Variants in ASB3 observed in about 807,000 individuals in gnomAD.
ASB3 encodes ankyrin repeat and SOCS box containing 3.
A neutral mutation model predicts 54.5 loss-of-function variants in ASB3; 41 were observed. The ratio of observed to expected loss-of-function variants is 0.75; its 90% CI spans 0.59 to 0.98. The LOEUF is 0.98. ASB3 is among the 50% of genes least tolerant of loss of function. The pLI is 0.00. For synonymous variants in ASB3, 266 were observed against 221.2 expected, an observed-to-expected ratio of 1.20 and a Z score of -1.80; for missense variants, 733 against 620.0, an observed-to-expected ratio of 1.18 and a Z score of -1.94.
In ASB3 at chr2:53,700,460, G is replaced by A. The variant is rs751881572; in HGVS notation, c.1049C>T (p.Ala350Val). ...AAACTTCTCGTACTTCAGGCAGTAT[G>A]CCAAATGAAGTTCATTTATCTGGGC... ...YGAQINELHL[A>V]YCLKYEKFSI... Residue 350 changes from alanine to valine, a missense_variant, in exon 8 of 10, where the codon GCA (alanine) becomes GTA (valine). By Grantham distance (64) the Ala-to-Val change is moderately conservative (BLOSUM62 0). Transcript: ENST00000263634. The A allele has an allele frequency of 5.0e-6, 8 of 1,614,082 alleles. No individual in the cohort carries two copies. The highest frequency in any genetic ancestry group is 3.3e-5 in the Admixed American group (2 of 59,990).
chr2:53,671,724 A>C (rs910263777), intron 9 of ASB3, among the ~76,000 whole-genome samples: 6 of 147,092 alleles, frequency 4.1e-5, no homozygotes, highest in Non-Finnish European at 9.1e-5. Flanking sequence ...ATGCCACTGC[A>C]CTCCAGCCTG....
intron 1 of ASB3, chr2:53,774,527 T>G (rs374145277): frequency 6.6e-6 from 10 of 1,525,300 alleles, no homozygotes; most frequent in African/African-American, 2.8e-5. Flanking sequence ...TGCATATAAT[T>G]TAGTCTTCAG....
intron 2 of ASB3, among the ~76,000 whole-genome samples, chr2:53,752,402 C>T (rs921032171): frequency 6.6e-6 from 1 of 152,152 alleles, no homozygotes; most frequent in African/African-American, 2.4e-5. Flanking sequence ...CCAACAGGTT[C>T]CCACCCCACA....
At chr2:53,741,538 G>C (rs571107058) in intron 3 of ASB3, among the ~76,000 whole-genome samples, 17 of 152,214 alleles carry the variant, frequency 1.1e-4, no homozygotes, top group African/African-American at 2.4e-5. Flanking sequence ...TATATAAATC[G>C]ACTGACATTT....
At chr2:53,784,748 T>G (rs1292152299) in intron 1 of ASB3, among the ~76,000 whole-genome samples, 1 of 152,216 alleles carries the variant, frequency 6.6e-6, no homozygotes, top group Non-Finnish European at 1.5e-5. Flanking sequence ...TAGGGCCCCC[T>G]TTGATTCAGT....
chr2:53,688,290 G>A (rs184475378), intron 9 of ASB3, among the ~76,000 whole-genome samples: 37 of 152,318 alleles, frequency 2.4e-4, no homozygotes, highest in African/African-American at 8.4e-4. Flanking sequence ...CTGCAGGTCA[G>A]GCAATTCTCC....
intron 9 of ASB3, among the ~76,000 whole-genome samples, chr2:53,677,519 T>A (rs1224309136): frequency 6.6e-6 from 1 of 152,210 alleles, no homozygotes; most frequent in African/African-American, 2.4e-5. Context: ...GCTTTAATGC[T>A]TTAGCAGTGT....
chr2:53,716,891 T>C (rs983710644), intron 5 of ASB3, 148 bp from the exon 6 acceptor site: 3 of 947,136 alleles, frequency 3.2e-6, no homozygotes, highest in Non-Finnish European at 4.5e-6. Flanking sequence ...TATAAACATA[T>C]TTACTTTGCT....
intron 6 of ASB3, among the ~76,000 whole-genome samples, chr2:53,715,359 A>G (rs552242671): frequency 1.7e-3 from 261 of 152,298 alleles, no homozygotes; most frequent in Non-Finnish European, 3.2e-3. Context: ...GGCTACTCTG[A>G]AGTATTTTCA....
intron 2 of ASB3, among the ~76,000 whole-genome samples, chr2:53,760,311 G>A (rs1282153252): frequency 6.6e-6 from 1 of 152,160 alleles, no homozygotes; most frequent in African/African-American, 2.4e-5. Flanking sequence ...CAAACATCAG[G>A]AAGACATTAG....
At chr2:53,702,088 A>G (rs1464207432) in intron 7 of ASB3, among the ~76,000 whole-genome samples, 1 of 152,234 alleles carries the variant, frequency 6.6e-6, no homozygotes, top group African/African-American at 2.4e-5. Flanking sequence ...CAGAATTAGT[A>G]TTCTACCAAA....
chr2:53,674,665 TG>T (rs1430227175), intron 9 of ASB3, among the ~76,000 whole-genome samples: 1 of 152,178 alleles, frequency 6.6e-6, no homozygotes, highest in Non-Finnish European at 1.5e-5. Context: ...CTGGTTCCTT[TG>T]AAATGTTTTG....
intron 3 of ASB3, among the ~76,000 whole-genome samples, chr2:53,743,745 A>C (rs894600832): frequency 1.3e-5 from 2 of 152,232 alleles, no homozygotes; most frequent in Admixed American, 6.5e-5. Context: ...ATAATTGCTT[A>C]CATTAAAGAA....
chr2:53,733,548 T>C (rs1671442658), intron 3 of ASB3, among the ~76,000 whole-genome samples: 1 of 152,084 alleles, frequency 6.6e-6, no homozygotes, highest in Non-Finnish European at 1.5e-5. Flanking sequence ...TTCAAGCGGT[T>C]CTCCTGCGTC....
At chr2:53,733,775 C>A (rs1263540770) in intron 3 of ASB3, among the ~76,000 whole-genome samples, 1 of 152,300 alleles carries the variant, frequency 6.6e-6, no homozygotes, top group South Asian at 2.1e-4. Context: ...TAAAGACACA[C>A]ACAGAGAAAT....
At chr2:53,780,877 A>G (rs1180246609) in intron 1 of ASB3, among the ~76,000 whole-genome samples, 2 of 152,224 alleles carry the variant, frequency 1.3e-5, no homozygotes, top group African/African-American at 4.8e-5. Context: ...GAAAAAACAA[A>G]AAGGTGTTCA....
chr2:53,682,306 C>A (rs183209552), intron 9 of ASB3, among the ~76,000 whole-genome samples: 1 of 152,092 alleles, frequency 6.6e-6, no homozygotes, highest in African/African-American at 2.4e-5. Context: ...TCAATGAACA[C>A]AGAATGTATT....
intron 9 of ASB3, among the ~76,000 whole-genome samples, chr2:53,681,770 T>C (rs564155767): frequency 3.8e-4 from 58 of 152,340 alleles, no homozygotes; most frequent in Non-Finnish European, 7.3e-4. Context: ...GGCTTTGTAG[T>C]ACAATTTGAA....
intron 3 of ASB3, among the ~76,000 whole-genome samples, chr2:53,748,864 T>C (rs1009393326): frequency 2.0e-5 from 3 of 152,148 alleles, no homozygotes; most frequent in Admixed American, 1.3e-4. Context: ...ATGAGGGCTG[T>C]AGACCAAATA....
Sources: allele counts gnomAD v4.1 joint callset (sites outside exome capture counted in the v4.1 genomes callset), GRCh38; gene constraint gnomAD v4.1.1; transcripts MANE v1.5; gene names NCBI Gene and HGNC (gene_info 2026-07-23, HGNC 2026-07-21).